The following AGAP1 variants were observed in gnomAD, a reference collection of about 807,000 sequenced individuals.
AGAP1 encodes ArfGAP with GTPase domain, ankyrin repeat and PH domain 1.
In AGAP1, 29 loss-of-function variants were observed where a neutral mutation model predicts 105.3. The observed-to-expected ratio is 0.28, with a 90% CI of 0.21 to 0.38. The LOEUF (loss-of-function observed/expected upper bound fraction) is 0.38. AGAP1 is among the 10% of genes least tolerant of loss of function. The probability of loss-of-function intolerance (pLI) is 1.00; values close to 1 mark genes in which losing one functional copy is unlikely to be tolerated. For synonymous variants in AGAP1, 509 were observed against 485.9 expected (o/e 1.05, Z -0.63); for missense variants, 998 against 1,165.1 (o/e 0.86, Z 2.09).
chr2:235,518,024 A>G (rs1218813936), intron 1 of AGAP1, among the ~76,000 whole-genome samples: 3 of 151,970 alleles, frequency 2.0e-5, no homozygotes, highest in Admixed American at 2.0e-4. Context: ...TCTTGCCCCC[A>G]TTTGCAGGTG....
rs1363626081 is a variant in AGAP1 at position 235,614,698 on chromosome 2, C to T, written c.164-94481C>T. Among the ~76,000 whole-genome samples the T allele has an allele frequency of 6.6e-6, 1 of 152,118 alleles. No individual in the cohort carries two copies. Among genetic ancestry groups the T allele is most frequent in the Non-Finnish European group, 1.5e-5 (1 of 68,012 alleles). ...CAGGCTCAGGGGCAGGGCCCTTTTT[C>T]CACACGCTTAGGGAAGATACGAGAC... On this transcript the variant is annotated intron_variant, in intron 1 of 17. Transcript: ENST00000304032. The surrounding 1 kb of genome is among the most constrained non-coding windows in gnomAD (Gnocchi z 4.7).
Position 235,635,085 on chromosome 2 carries a change from G to C in AGAP1, c.164-74094G>C, listed in dbSNP as rs182234120. On this transcript the variant is annotated intron_variant, in intron 1 of 17. Coordinates refer to ENST00000304032, the MANE Select transcript of AGAP1 (RefSeq NM_001037131.3). The surrounding 1 kb of genome is among the most constrained non-coding windows in gnomAD (Gnocchi z 5.3). ...CTGAAGCGTGAATGTTTCCTCTCCA[G>C]TTGGGAATCTCCTGCCTCAGGACCT... 3.9e-5 allele frequency among the ~76,000 whole-genome samples: 6 copies of C among 152,290 alleles called. No homozygotes were observed. The highest frequency in any genetic ancestry group is 1.2e-4 in the African/African-American group (5 of 41,566).
At chr2:235,524,011 G>A (rs1448961633) in intron 1 of AGAP1, among the ~76,000 whole-genome samples, 1 of 152,234 alleles carries the variant, frequency 6.6e-6, no homozygotes, top group Non-Finnish European at 1.5e-5. Flanking sequence ...CCTGGCCAGG[G>A]TGTGGGATTG....
intron 1 of AGAP1, among the ~76,000 whole-genome samples, chr2:235,571,209 C>A (rs1201603227): frequency 6.6e-6 from 1 of 152,216 alleles, no homozygotes; most frequent in African/African-American, 2.4e-5. Context: ...GATCCAGTCA[C>A]CTCCCACCAG....
chr2:235,968,312 C>A, intron 12 of AGAP1, 150 bp from the exon 13 acceptor site: 1 of 1,084,458 alleles, frequency 9.2e-7, no homozygotes, highest in Non-Finnish European at 1.3e-6. Flanking sequence ...GGCTCTAGGC[C>A]TCCAACTCAG....
rs1943199805 is a variant in AGAP1 at position 235,535,934 on chromosome 2, G to A, written c.163+41085G>A. The stretch of plus-strand genomic sequence containing the variant: ...GGCTTTCCTGCCCTCCTTGGCTGGT[G>A]GACGTAAGGCCCCTCGCCCCATCTG... On this transcript the variant is annotated intron_variant, in intron 1 of 17. Coordinates refer to ENST00000304032, the MANE Select transcript of AGAP1 (RefSeq NM_001037131.3). This position sits in a 1 kb window ranked among gnomAD's most constrained non-coding sequence, Gnocchi z 5.1. Among the ~76,000 whole-genome samples the A allele has an allele frequency of 6.6e-6, 1 of 151,930 alleles. No homozygotes were observed.
chr2:235,560,295 T>C (rs769957447), intron 1 of AGAP1, among the ~76,000 whole-genome samples: 3 of 151,902 alleles, frequency 2.0e-5, no homozygotes, highest in Non-Finnish European at 4.4e-5. Flanking sequence ...ATTTGATTGA[T>C]TTTCTCTTCT....
At chr2:235,518,865 C>T (rs757086974) in intron 1 of AGAP1, among the ~76,000 whole-genome samples, 4 of 152,192 alleles carry the variant, frequency 2.6e-5, no homozygotes, top group Non-Finnish European at 4.4e-5. Flanking sequence ...GGGTGCACTT[C>T]GTGAATGCCC....
chr2:236,024,942 A>C (rs1425210776), intron 13 of AGAP1, among the ~76,000 whole-genome samples: 1 of 152,260 alleles, frequency 6.6e-6, no homozygotes, highest in Non-Finnish European at 1.5e-5. Flanking sequence ...CAATCACAAA[A>C]CTTTATTAAA....
rs1487384838 is a variant in AGAP1, at chr2:235,845,437, C to T, written c.1051-37908C>T. 6.0e-5 allele frequency among the ~76,000 whole-genome samples: 9 copies of T among 150,094 alleles called. No homozygotes were observed. Among genetic ancestry groups the T allele is most frequent in the African/African-American group, 1.5e-4 (6 of 41,256 alleles). On this transcript the variant is annotated intron_variant, in intron 9 of 17. Transcript: ENST00000304032. This position sits in a 1 kb window ranked among gnomAD's most constrained non-coding sequence, Gnocchi z 4.8. The stretch of plus-strand genomic sequence containing the variant: ...TACCCTGAGTTCCTGAGTCAGCAAA[C>T]GGAATGGGGGAATGAGCATTGTTCA...
chr2:235,749,265 C>T (rs1319510342), intron 5 of AGAP1, among the ~76,000 whole-genome samples: 1 of 151,970 alleles, frequency 6.6e-6, no homozygotes, highest in Non-Finnish European at 1.5e-5. Flanking sequence ...TCCCTAAGCC[C>T]TGTGGCTGTT....
chr2:236,077,020 G>A (rs1015437480), intron 16 of AGAP1, among the ~76,000 whole-genome samples: 1 of 151,102 alleles, frequency 6.6e-6, no homozygotes, highest in Non-Finnish European at 1.5e-5. Flanking sequence ...TGAGGCGGGA[G>A]GATCGCTTGA....
chr2:235,998,169 G>A (rs1225099517), intron 13 of AGAP1, among the ~76,000 whole-genome samples: 3 of 152,212 alleles, frequency 2.0e-5, no homozygotes, highest in South Asian at 4.1e-4. Context: ...GCCCACAGGA[G>A]AGAGCAAGCG....
In AGAP1 at chr2:235,882,580, A is replaced by C. The variant is rs557475034; in HGVS notation, c.1051-765A>C. 3 of 553,300 alleles carry C rather than the reference A, an allele frequency of 5.4e-6. No individual in the cohort carries two copies. In the East Asian group the frequency reaches 1.2e-4, roughly 22 times the overall value. The allele number at this position is 553,300 out of a possible 1,614,324, so 34.3% of individuals were successfully genotyped here. A position where few individuals can be genotyped will look rare whatever the true frequency, so the allele number is the denominator to read the frequency against. ...CTGGGTTCAAGCAATTCCCCTGCTC[A>C]GCCTCCCCGAGTAGCTGGGATTATA... On this transcript the variant is annotated intron_variant, in intron 9 of 17. Transcript: ENST00000304032. This position sits in a 1 kb window ranked among gnomAD's most constrained non-coding sequence, Gnocchi z 4.6.
At position 235,494,477 on chromosome 2, in the gene AGAP1, C is replaced by A. The variant is rs1941216335; in HGVS notation, c.-210C>A. The stretch of plus-strand genomic sequence containing the variant: ...CCCGGGACGCCGGGGCCCGCTCGCT[C>A]GCCGGCCGCGCGTCCCGGCCATGAA... On this transcript the variant is annotated 5_prime_UTR_variant, in exon 1 of 18. Coordinates refer to ENST00000304032, the MANE Select transcript of AGAP1 (RefSeq NM_001037131.3). 1 of 143,394 alleles carries A rather than the reference C, an allele frequency of 7.0e-6. No homozygotes were observed. Among genetic ancestry groups the A allele is most frequent in the South Asian group, 2.1e-4 (1 of 4,696 alleles). 8.9% of individuals were successfully genotyped at this position (143,394 alleles called of 1,614,324 possible).
chr2:235,865,773 T>G lies in AGAP1; in HGVS notation c.1051-17572T>G, dbSNP rs2049140097. On this transcript the variant is annotated intron_variant, in intron 9 of 17. Transcript: ENST00000304032. This position sits in a 1 kb window ranked among gnomAD's most constrained non-coding sequence, Gnocchi z 6.2. ...TAGAGAGAAAGTTAAAAAGATTTAG[T>G]AGCGGCAGAGCTTGTGTCTGCTGGT... 6.6e-6 allele frequency among the ~76,000 whole-genome samples: 1 copy of G among 152,218 alleles called. No homozygotes were observed. The highest frequency in any genetic ancestry group is 2.4e-5 in the African/African-American group (1 of 41,460).
At chr2:235,761,963 G>T (rs1954477954) in intron 6 of AGAP1, among the ~76,000 whole-genome samples, 1 of 151,986 alleles carries the variant, frequency 6.6e-6, no homozygotes, top group African/African-American at 2.4e-5. Flanking sequence ...CAAAAAATTA[G>T]CCGGGTGTAA....
intron 1 of AGAP1, among the ~76,000 whole-genome samples, chr2:235,605,165 A>C (rs1159702889): frequency 2.0e-5 from 3 of 152,246 alleles, no homozygotes; most frequent in Non-Finnish European, 4.4e-5. Flanking sequence ...GGCATGAGCC[A>C]CTGTGCCCAG....
chr2:235,796,873 G>A (rs1957267125), intron 6 of AGAP1, among the ~76,000 whole-genome samples: 1 of 152,132 alleles, frequency 6.6e-6, no homozygotes, highest in Non-Finnish European at 1.5e-5. Context: ...GTTATTCTGC[G>A]GCAGTGACAC....
Sources: allele counts gnomAD v4.1 joint callset (sites outside exome capture counted in the v4.1 genomes callset), GRCh38; gene constraint gnomAD v4.1.1; non-coding constraint Gnocchi (gnomAD v3.1); transcripts MANE v1.5; gene names NCBI Gene and HGNC (gene_info 2026-07-23, HGNC 2026-07-21).